The following ERCC6L2 variants were observed in gnomAD, a reference collection of about 807,000 sequenced individuals.
ERCC6L2 encodes DNA excision repair protein ERCC-6-like 2.
Under a neutral mutation model 132.0 loss-of-function variants are expected in ERCC6L2, and 77 were observed. The observed-to-expected ratio is 0.58, with a 90% CI of 0.49 to 0.71. The LOEUF is 0.71. Among genes scored for constraint, ERCC6L2 ranks in the 30% least tolerant of loss-of-function variants. ERCC6L2 has a pLI of 0.00. For synonymous variants in ERCC6L2, 583 were observed against 632.4 expected (o/e 0.92, Z 1.17); for missense variants, 1,542 against 1,837.6 (o/e 0.84, Z 2.94).
intron 19 of ERCC6L2, among the ~76,000 whole-genome samples, chr9:96,037,893 A>G (rs373042889): frequency 1.3e-5 from 2 of 151,886 alleles, no homozygotes; most frequent in African/African-American, 2.4e-5. Flanking sequence ...AGGGTGGCGC[A>G]GGGGCCACAA....
intron 17 of ERCC6L2, among the ~76,000 whole-genome samples, chr9:95,992,596 TA>T (rs1833340231): frequency 6.6e-6 from 1 of 152,218 alleles, no homozygotes; most frequent in African/African-American, 2.4e-5. Flanking sequence ...ACTTTATTAT[TA>T]ATAATAAATA....
intron 12 of ERCC6L2, among the ~76,000 whole-genome samples, chr9:95,950,718 C>A (rs1400089690): frequency 1.3e-5 from 2 of 152,148 alleles, no homozygotes; most frequent in Admixed American, 6.5e-5. Flanking sequence ...AAATAGACTT[C>A]AAGTCGACAA....
At chr9:95,918,487 GT>G in intron 6 of ERCC6L2, 1 of 500,902 alleles carries the variant, frequency 2.0e-6, no homozygotes. Flanking sequence ...CATGAAATAG[GT>G]TTTGGAAGTA....
intron 9 of ERCC6L2, among the ~76,000 whole-genome samples, chr9:95,926,823 A>G (rs1187431594): frequency 1.3e-5 from 2 of 152,158 alleles, no homozygotes; most frequent in Admixed American, 6.5e-5. Flanking sequence ...AGTTGTTACA[A>G]ATAAACCACA....
At chr9:95,902,538 C>G (rs1041346811) in intron 3 of ERCC6L2, among the ~76,000 whole-genome samples, 1 of 152,072 alleles carries the variant, frequency 6.6e-6, no homozygotes, top group Admixed American at 6.6e-5. Context: ...CCGTGAGCAT[C>G]CTTATGCACA....
intron 17 of ERCC6L2, among the ~76,000 whole-genome samples, chr9:95,991,920 A>T (rs1307808179): frequency 6.6e-6 from 1 of 152,248 alleles, no homozygotes; most frequent in Non-Finnish European, 1.5e-5. Context: ...TAATGAAATT[A>T]ACCTTGAGTT....
chr9:95,922,287 A>G lies in ERCC6L2; in HGVS notation c.1300-18A>G, dbSNP rs368420874. Reference sequence around the variant, plus strand: ...GCTATGCTGGTCCTTTTTATTTTCTATATTTTTCTGGTTACAGACCAATTC... The same window carrying G: ...GCTATGCTGGTCCTTTTTATTTTCTGTATTTTTCTGGTTACAGACCAATTC... On this transcript the variant is annotated intron_variant, in intron 7 of 18. Transcript: ENST00000653738. 10 of 1,387,996 alleles carry G rather than the reference A, an allele frequency of 7.2e-6. No individual in the cohort carries two copies. The highest frequency in any genetic ancestry group is 1.4e-5 in the African/African-American group (1 of 70,192). 86.0% of individuals were successfully genotyped at this position (1,387,996 alleles called of 1,614,324 possible). A position where few individuals can be genotyped will look rare whatever the true frequency, so the allele number is the denominator to read the frequency against.
chr9:96,023,355 C>T (rs1418086835), downstream of ERCC6L2, among the ~76,000 whole-genome samples: 1 of 152,018 alleles, frequency 6.6e-6, no homozygotes, highest in African/African-American at 2.4e-5. Flanking sequence ...GGTTTTATTC[C>T]TTTTTTATAT....
At chr9:95,983,781 C>A (rs1832980633) in intron 17 of ERCC6L2, among the ~76,000 whole-genome samples, 4 of 152,172 alleles carry the variant, frequency 2.6e-5, no homozygotes. Flanking sequence ...GACTATTTAA[C>A]CCAAACATCT....
intron 17 of ERCC6L2, among the ~76,000 whole-genome samples, chr9:96,002,317 AG>A (rs1225346162): frequency 1.3e-5 from 2 of 152,154 alleles, no homozygotes; most frequent in Non-Finnish European, 2.9e-5. Context: ...CTAGGTTGCC[AG>A]GGTTTTTTGT....
intron 19 of ERCC6L2, among the ~76,000 whole-genome samples, chr9:96,033,903 G>A (rs538435378): frequency 6.6e-6 from 1 of 152,312 alleles, no homozygotes; most frequent in African/African-American, 2.4e-5. Context: ...GGCTCAGAAG[G>A]CCAGGAAGAC....
At chr9:95,966,489 G>A in intron 13 of ERCC6L2, 73 bp from the exon 14 acceptor site, 1 of 1,332,068 alleles carries the variant, frequency 7.5e-7, no homozygotes, top group Non-Finnish European at 9.9e-7. Flanking sequence ...TGTATATACA[G>A]GGAATGCCAG....
intron 12 of ERCC6L2, among the ~76,000 whole-genome samples, chr9:95,943,759 G>GC (rs1257785678): frequency 1.3e-5 from 2 of 152,128 alleles, no homozygotes; most frequent in Non-Finnish European, 2.9e-5. Context: ...GAGATGCTCA[G>GC]CATCACTAAT....
chr9:96,032,124 C>T (rs994855761), intron 19 of ERCC6L2, among the ~76,000 whole-genome samples: 3 of 152,116 alleles, frequency 2.0e-5, no homozygotes, highest in African/African-American at 4.8e-5. Flanking sequence ...TGGGTATCCC[C>T]GGCCCCGCCA....
intron 11 of ERCC6L2, among the ~76,000 whole-genome samples, chr9:95,930,531 G>GT (rs1232839741): frequency 1.3e-5 from 2 of 151,994 alleles, no homozygotes; most frequent in African/African-American, 4.8e-5. Context: ...TTATCTTTTA[G>GT]TTTATCAACT....
At chr9:95,994,762 C>T (rs1488665780) in intron 17 of ERCC6L2, among the ~76,000 whole-genome samples, 2 of 135,792 alleles carry the variant, frequency 1.5e-5, no homozygotes, top group African/African-American at 3.0e-5. Flanking sequence ...AATATTTCTC[C>T]TGCCGAAATG....
intron 12 of ERCC6L2, among the ~76,000 whole-genome samples, chr9:95,953,605 G>A: frequency 6.6e-6 from 1 of 150,566 alleles, no homozygotes; most frequent in Admixed American, 6.6e-5. Context: ...AAATTACTGT[G>A]GATCAATATT....
Position 96,016,693 on chromosome 9 carries a change from A to G in ERCC6L2, c.*3490A>G, listed in dbSNP as rs1834190652. On this transcript the variant is annotated 3_prime_UTR_variant, in exon 19 of 19. Coordinates refer to ENST00000653738, the MANE Select transcript of ERCC6L2 (RefSeq NM_020207.7). ...ACGGTTATTTTCTAATTAAAGTTCA[A>G]TGTGTACGCTTTTAAATTCTGAAGT... 6.6e-6 allele frequency among the ~76,000 whole-genome samples: 1 copy of G among 152,356 alleles called. No homozygotes were observed. Among genetic ancestry groups the G allele is most frequent in the Non-Finnish European group, 1.5e-5 (1 of 68,028 alleles).
At chr9:95,917,289 A>T (rs1255730243) in intron 6 of ERCC6L2, among the ~76,000 whole-genome samples, 4 of 152,202 alleles carry the variant, frequency 2.6e-5, no homozygotes, top group East Asian at 3.9e-4. Flanking sequence ...AGAGGATTTT[A>T]AAAAAATATA....
Sources: allele counts gnomAD v4.1 joint callset (sites outside exome capture counted in the v4.1 genomes callset), GRCh38; gene constraint gnomAD v4.1.1; transcripts MANE v1.5; gene names NCBI Gene and HGNC (gene_info 2026-07-23, HGNC 2026-07-21).